The following ESCO2 variants were observed in gnomAD, a reference collection of about 807,000 sequenced individuals.
The protein encoded by ESCO2 is N-acetyltransferase ESCO2.
Under a neutral mutation model 61.7 loss-of-function variants are expected in ESCO2, and 51 were observed. The observed-to-expected ratio is 0.83, with a 90% CI of 0.66 to 1.04. The LOEUF (loss-of-function observed/expected upper bound fraction) is 1.04. Among genes scored for constraint, ESCO2 ranks in the 50% least tolerant of loss-of-function variants. The pLI, the probability that ESCO2 is intolerant of heterozygous loss-of-function variation, is 0.00. For missense variants in ESCO2, 692 were observed against 686.2 expected (o/e 1.01, Z -0.09); for synonymous variants, 230 against 238.2 (o/e 0.97, Z 0.32).
At chr8:27,809,992 A>G (rs190773208), downstream of ESCO2, 59 of 277,906 alleles carry the variant, frequency 2.1e-4, no homozygotes, top group Non-Finnish European at 1.5e-4. Flanking sequence ...AAGATCATTA[A>G]TAAAAGTAAT....
chr8:27,776,801 T>C lies in ESCO2; in HGVS notation c.493T>C (p.Ser165Pro). The change falls in exon 3 of 11, where the codon TCC (serine) becomes CCC (proline). Residue 165 changes from serine (S) to proline (P), a missense_variant. Coordinates refer to ENST00000305188, the MANE Select transcript of ESCO2 (RefSeq NM_001017420.3). Reference protein sequence around the residue: ...IKPVSRNSRNSKQNRVIYKPI... With the variant: ...IKPVSRNSRNPKQNRVIYKPI... ...GCCTGTATCAAGGAATTCTAGAAAT[T>C]CCAAGCAAAATCGAGTGATCTATAA... The C allele has an allele frequency of 6.2e-7, 1 of 1,614,056 alleles. No individual in the cohort carries two copies. The highest frequency in any genetic ancestry group is 1.1e-5 in the South Asian group (1 of 91,086).
the ESCO2 span, among the ~76,000 whole-genome samples, chr8:27,818,462 G>GT: frequency 1.3e-5 from 2 of 152,152 alleles, no homozygotes; most frequent in Admixed American, 6.5e-5. Context: ...ATGGAGAAAC[G>GT]TTTAACAGAT....
At chr8:27,772,611 A>T (rs1804672583), upstream of ESCO2, 2 of 1,483,254 alleles carry the variant, frequency 1.3e-6, no homozygotes, top group Non-Finnish European at 1.8e-6. Context: ...AGGATACCAG[A>T]CTCGCGGCGG....
chr8:27,783,024 GT>G (rs1327190777), intron 4 of ESCO2, among the ~76,000 whole-genome samples: 2 of 151,670 alleles, frequency 1.3e-5, no homozygotes, highest in Non-Finnish European at 2.9e-5. Flanking sequence ...TTCATTCTTT[GT>G]GATTTTTACA....
chr8:27,781,069 T>C (rs1804916535), intron 4 of ESCO2, among the ~76,000 whole-genome samples: 1 of 152,146 alleles, frequency 6.6e-6, no homozygotes, highest in African/African-American at 2.4e-5. Context: ...CTAAGTCAAT[T>C]TAAAGAAAAA....
chr8:27,801,915 T>C (rs970096811), intron 10 of ESCO2, among the ~76,000 whole-genome samples: 1 of 151,858 alleles, frequency 6.6e-6, no homozygotes, highest in Non-Finnish European at 1.5e-5. Flanking sequence ...GTAATGCTTT[T>C]ATTTGACAGT....
At position 27,792,721 on chromosome 8, in the gene ESCO2, T is replaced by C. The variant is rs1585403933; in HGVS notation, c.1407T>C (p.Val469=). 6.2e-7 allele frequency: 1 copy of C among 1,612,402 alleles called. No individual in the cohort carries two copies. Among genetic ancestry groups the C allele is most frequent in the Non-Finnish European group, 8.5e-7 (1 of 1,179,504 alleles). The change falls in exon 9 of 11, where the codon GTT becomes GTC. Residue 469 remains valine (V), a synonymous_variant. Coordinates refer to ENST00000305188, the MANE Select transcript of ESCO2 (RefSeq NM_001017420.3). ...ATGAATTGGGCTTCCAGCAAGTTGTTCCTAAATGTCCAAACAAAATAAAAA... is the reference window on the plus strand; with the variant it reads ...ATGAATTGGGCTTCCAGCAAGTTGTCCCTAAATGTCCAAACAAAATAAAAA... ...VDNELGFQQV[V]PKCPNKIKTF...
At chr8:27,775,636 T>C in intron 2 of ESCO2, 69 bp downstream of exon 2, 1 of 1,535,014 alleles carries the variant, frequency 6.5e-7, no homozygotes, top group Non-Finnish European at 9.0e-7. Flanking sequence ...TTCTCTCCTA[T>C]TTTCTAAAAT....
downstream of ESCO2, among the ~76,000 whole-genome samples, chr8:27,815,463 C>G (rs2128961949): frequency 6.6e-6 from 1 of 152,212 alleles, no homozygotes; most frequent in African/African-American, 2.4e-5. Flanking sequence ...ATTATAAGCT[C>G]CTTAAAGGTT....
In ESCO2 at chr8:27,775,548, G is replaced by C; in HGVS notation, c.34G>C (p.Asp12His). The C allele has an allele frequency of 1.2e-6, 2 of 1,614,124 alleles. No individual in the cohort carries two copies. The highest frequency in any genetic ancestry group is 1.7e-6 in the Non-Finnish European group (2 of 1,180,006). Residue 12 changes from aspartate (D) to histidine (H), a missense_variant, in exon 2 of 11, where the codon GAT (aspartate) becomes CAT (histidine). Physicochemically the swap from Asp to His is moderately conservative, Grantham distance 81. Transcript: ENST00000305188. ...AALTPRKRKQ[D>H]SLKCDSLLHF... The stretch of plus-strand genomic sequence containing the variant: ...TCTTACTCCAAGGAAGAGGAAGCAG[G>C]ATTCTTTGAAGTGTGACAGGTGAAT...
At chr8:27,811,474 G>A (rs993681811), downstream of ESCO2, 8 of 416,758 alleles carry the variant, frequency 1.9e-5, no homozygotes, top group Admixed American at 3.9e-5. Flanking sequence ...GCGTGACCTT[G>A]AGCAGATCAC....
At chr8:27,782,582 C>T (rs1486951498) in intron 4 of ESCO2, among the ~76,000 whole-genome samples, 1 of 152,048 alleles carries the variant, frequency 6.6e-6, no homozygotes, top group East Asian at 1.9e-4. Context: ...AATTCAGTCT[C>T]TTTTTCTATA....
chr8:27,811,216 T>G (rs773065423), downstream of ESCO2: 23 of 1,151,496 alleles, frequency 2.0e-5, no homozygotes, highest in African/African-American at 3.2e-4. Context: ...AGGCGAACGA[T>G]TTGAACAAGT....
downstream of ESCO2, among the ~76,000 whole-genome samples, chr8:27,807,069 G>C (rs1417741859): frequency 1.3e-5 from 2 of 151,988 alleles, no homozygotes; most frequent in Non-Finnish European, 2.9e-5. Context: ...TAATATCTGT[G>C]AATGAGTTTT....
At chr8:27,794,155 G>A (rs1409391105) in intron 9 of ESCO2, among the ~76,000 whole-genome samples, 9 of 152,084 alleles carry the variant, frequency 5.9e-5, no homozygotes, top group Admixed American at 4.6e-4. Flanking sequence ...GACACTTAAC[G>A]TTGATTACAT....
rs556210795 is a variant in ESCO2, at chr8:27,792,905, A to G, written c.1497+94A>G. The G allele has an allele frequency of 1.3e-5, 17 of 1,310,806 alleles. 1 individual carries two copies. The South Asian group carries it at 2.6e-4, about 20-fold the overall frequency. 81.2% of individuals were successfully genotyped at this position (1,310,806 alleles called of 1,614,324 possible). A position where few individuals can be genotyped will look rare whatever the true frequency, so the allele number is the denominator to read the frequency against. On this transcript the variant is annotated intron_variant, in intron 9 of 10. Coordinates refer to ENST00000305188, the MANE Select transcript of ESCO2 (RefSeq NM_001017420.3). ...TCAGCATTTAAGATTGCTACCATTAATGACACTCTTCCTACTGAAATATCC... is the reference window on the plus strand; with the variant it reads ...TCAGCATTTAAGATTGCTACCATTAGTGACACTCTTCCTACTGAAATATCC...
chr8:27,811,282 A>G (rs1013931494), downstream of ESCO2: 20 of 671,610 alleles, frequency 3.0e-5, no homozygotes, highest in Non-Finnish European at 4.2e-5. Flanking sequence ...CAACCTCAAT[A>G]AGGATTACTT....
At position 27,788,342 on chromosome 8, in the gene ESCO2, G is replaced by T. The variant is rs377419218; in HGVS notation, c.1131+340G>T. ...AATAAGGCTTTTTCAGGTCTTTAAGGGTTTCATTAAAAAGTTCCGTTGTTC... is the reference window on the plus strand; with the variant it reads ...AATAAGGCTTTTTCAGGTCTTTAAGTGTTTCATTAAAAAGTTCCGTTGTTC... On this transcript the variant is annotated intron_variant, in intron 6 of 10. Coordinates refer to ENST00000305188, the MANE Select transcript of ESCO2 (RefSeq NM_001017420.3). 3.3e-5 allele frequency among the ~76,000 whole-genome samples: 5 copies of T among 151,944 alleles called. No homozygotes were observed. In the South Asian group the frequency reaches 8.3e-4, roughly 25 times the overall value.
downstream of ESCO2, chr8:27,812,063 T>G (rs1402415156): frequency 5.9e-5 from 9 of 152,160 alleles, no homozygotes; most frequent in African/African-American, 2.2e-4. Context: ...CAATTTTGCC[T>G]TCTCCATTTT....
Sources: allele counts gnomAD v4.1 joint callset (sites outside exome capture counted in the v4.1 genomes callset), GRCh38; gene constraint gnomAD v4.1.1; transcripts MANE v1.5; gene names NCBI Gene and HGNC (gene_info 2026-07-23, HGNC 2026-07-21).